Variants in ACP6 observed in about 807,000 individuals in gnomAD.
ACP6 encodes the protein lysophosphatidic acid phosphatase type 6.
In ACP6, 48 loss-of-function variants were observed where a neutral mutation model predicts 48.1. That is an observed-to-expected ratio of 1.00 (90% CI 0.79 to 1.27). The LOEUF (loss-of-function observed/expected upper bound fraction) is 1.27. Among genes scored for constraint, ACP6 ranks in the 50% most tolerant of loss-of-function variants. ACP6 has a pLI of 0.00. For synonymous variants in ACP6, 172 were observed against 204.2 expected, an observed-to-expected ratio of 0.84 and a Z score of 1.34; for missense variants, 485 against 529.1, an observed-to-expected ratio of 0.92 and a Z score of 0.82.
At chr1:147,630,717 G>A (rs183804131) in exon 6 of ACP6, 1 of 152,350 alleles carries the variant, frequency 6.6e-6, no homozygotes, top group Admixed American at 6.5e-5. Context: ...GCTAGAAACT[G>A]AGTCATTGTT....
Position 147,643,040 on chromosome 1 carries a change from C to T in ACP6, c.*4383G>A, listed in dbSNP as rs1553209010. On this transcript the variant is annotated 3_prime_UTR_variant, in exon 10 of 10. Coordinates refer to ENST00000583509, the MANE Select transcript of ACP6 (RefSeq NM_016361.5). ...AGTCATCTTCCCTCTGTGTCTGTGTCCTCATTTCCTCTTCTTATAAGGATT... is the reference window on the plus strand; with the variant it reads ...AGTCATCTTCCCTCTGTGTCTGTGTTCTCATTTCCTCTTCTTATAAGGATT... The T allele has an allele frequency of 6.6e-6, 1 of 152,170 alleles. No homozygotes were observed. Among genetic ancestry groups the T allele is most frequent in the Non-Finnish European group, 1.5e-5 (1 of 68,040 alleles). The allele number at this position is 152,170 out of a possible 1,614,324, so 9.4% of individuals were successfully genotyped here. A position where few individuals can be genotyped will look rare whatever the true frequency, so the allele number is the denominator to read the frequency against.
chr1:147,670,106 C>T lies in ACP6; in HGVS notation c.-58G>A. ...GCTGCAGGAGGCAAACACAAGTCTT[C>T]TGCGGGCGCCGGGGCTCAGCGGGCG... On this transcript the variant is annotated 5_prime_UTR_variant, in exon 1 of 10. Coordinates refer to ENST00000583509, the MANE Select transcript of ACP6 (RefSeq NM_016361.5). 1 of 1,420,884 alleles carries T rather than the reference C, an allele frequency of 7.0e-7. No individual in the cohort carries two copies. The highest frequency in any genetic ancestry group is 9.3e-7 in the Non-Finnish European group (1 of 1,080,670). The allele number at this position is 1,420,884 out of a possible 1,614,324, so 88.0% of individuals were successfully genotyped here. A position where few individuals can be genotyped will look rare whatever the true frequency, so the allele number is the denominator to read the frequency against.
In ACP6 at chr1:147,644,213, A is replaced by G. The variant is rs1483574036; in HGVS notation, c.*3210T>C. 2 of 152,238 alleles carry G rather than the reference A, an allele frequency of 1.3e-5. No homozygotes were observed. The highest frequency in any genetic ancestry group is 2.9e-5 in the Non-Finnish European group (2 of 68,042). 9.4% of individuals were successfully genotyped at this position (152,238 alleles called of 1,614,324 possible). Reference sequence around the variant, plus strand: ...GAGTAGATGAAGTGATGAATATGTTAATTAGCTTGATTTAATCATTCCCTC... The same window carrying G: ...GAGTAGATGAAGTGATGAATATGTTGATTAGCTTGATTTAATCATTCCCTC... On this transcript the variant is annotated 3_prime_UTR_variant, in exon 10 of 10. Transcript: ENST00000583509.
chr1:147,633,459 T>C (rs1659222075), intron 5 of ACP6, among the ~76,000 whole-genome samples: 1 of 152,068 alleles, frequency 6.6e-6, no homozygotes, highest in Admixed American at 6.6e-5. Context: ...ACAGTGAGAC[T>C]ATTACTTTCT....
intron 5 of ACP6, among the ~76,000 whole-genome samples, chr1:147,631,359 G>A (rs1439783098): frequency 1.3e-5 from 2 of 152,054 alleles, no homozygotes; most frequent in Non-Finnish European, 2.9e-5. Context: ...ATCCTTTCAT[G>A]CCAATTTCCA....
At chr1:147,660,377 C>T (rs1660487622) in intron 1 of ACP6, among the ~76,000 whole-genome samples, 1 of 152,326 alleles carries the variant, frequency 6.6e-6, no homozygotes, top group African/African-American at 2.4e-5. Flanking sequence ...CCACAGGTCT[C>T]ATAGCTCCAA....
chr1:147,631,665 T>C (rs1439271671), intron 5 of ACP6, among the ~76,000 whole-genome samples: 1 of 151,996 alleles, frequency 6.6e-6, no homozygotes, highest in Admixed American at 6.6e-5. Flanking sequence ...AATACAAAAA[T>C]TAGCGGGGCT....
downstream of ACP6, among the ~76,000 whole-genome samples, chr1:147,641,026 C>G (rs1659434188): frequency 6.6e-6 from 1 of 152,160 alleles, no homozygotes; most frequent in Non-Finnish European, 1.5e-5. Context: ...CCAGGACACG[C>G]TCTAGCCCAA....
chr1:147,669,607 C>G (rs1481745717), intron 1 of ACP6, among the ~76,000 whole-genome samples: 1 of 152,272 alleles, frequency 6.6e-6, no homozygotes, highest in Non-Finnish European at 1.5e-5. Context: ...CTGATGGCTG[C>G]GCCATCAGGG....
intron 8 of ACP6, among the ~76,000 whole-genome samples, chr1:147,649,398 C>T (rs1347167552): frequency 1.3e-5 from 2 of 151,976 alleles, no homozygotes; most frequent in African/African-American, 4.8e-5. Flanking sequence ...TAGTCCCAAC[C>T]TTGGATTCAA....
At chr1:147,641,870 G>A (rs1659462612), downstream of ACP6, among the ~76,000 whole-genome samples, 1 of 152,172 alleles carries the variant, frequency 6.6e-6, no homozygotes, top group African/African-American at 2.4e-5. Flanking sequence ...GGCGGAGGCG[G>A]GGCGCTGCCT....
At chr1:147,636,291 AC>A (rs1447104312) in intron 5 of ACP6, among the ~76,000 whole-genome samples, 14,121 of 152,232 alleles carry the variant, frequency 0.093, 1,935 homozygotes, top group African/African-American at 0.3. Context: ...CAACAGAAGT[AC>A]TACTAATTTA....
chr1:147,649,896 T>C, intron 8 of ACP6: 2 of 514,882 alleles, frequency 3.9e-6, no homozygotes, highest in Non-Finnish European at 3.4e-6. Context: ...CTGTTTGACA[T>C]ATCTTCAATT....
chr1:147,648,518 C>T, intron 8 of ACP6, 107 bp from the exon 9 acceptor site: 1 of 1,324,886 alleles, frequency 7.5e-7, no homozygotes, highest in Non-Finnish European at 1.0e-6. Flanking sequence ...AACTAGGTGA[C>T]ATCTAGAAAT....
chr1:147,655,126 C>T, intron 5 of ACP6, 35 bp downstream of exon 5: 1 of 1,536,160 alleles, frequency 6.5e-7, no homozygotes, highest in Non-Finnish European at 8.9e-7. Context: ...AAAAGGTTGT[C>T]CCCAACTGGT....
chr1:147,659,457 T>A lies in ACP6; in HGVS notation c.418A>T (p.Arg140Trp), dbSNP rs1553212292. 2 of 1,614,228 alleles carry A rather than the reference T, an allele frequency of 1.2e-6. No individual in the cohort carries two copies. Among genetic ancestry groups the A allele is most frequent in the Non-Finnish European group, 1.7e-6 (2 of 1,180,032 alleles). The change falls in exon 3 of 10, where the codon AGG (arginine) becomes TGG (tryptophan). Residue 140 changes from arginine to tryptophan, a missense_variant. Transcript: ENST00000583509. ...GGAATGTCTTCCACATAGTTCTTCC[T>A]CAGTCTCTCTCCCAAGGCAAACATT... Reference protein sequence around the residue: ...QQMFALGERLRKNYVEDIPFL... With the variant: ...QQMFALGERLWKNYVEDIPFL...
chr1:147,669,678 G>GA lies in ACP6; in HGVS notation c.219+151dup, dbSNP rs1297321739. 4.0e-5 allele frequency: 30 copies of GA among 752,510 alleles called. 1 individual carries two copies. In the Admixed American group the frequency reaches 8.1e-4, roughly 20 times the overall value. 46.6% of individuals were successfully genotyped at this position (752,510 alleles called of 1,614,324 possible). ...CAGGTCCTTTGCTCAAGAGCCTGGG[G>GA]AGTCACTGGCTACTGCTGTTTTCCC... On this transcript the variant is annotated intron_variant, in intron 1 of 9. Transcript: ENST00000583509.
chr1:147,639,010 C>T (rs140392229), downstream of ACP6, among the ~76,000 whole-genome samples: 7 of 152,278 alleles, frequency 4.6e-5, no homozygotes, highest in African/African-American at 1.7e-4. Context: ...GCACTTGCCA[C>T]CACGTAAAGC....
chr1:147,652,358 C>T (rs1659967598), intron 7 of ACP6, 91 bp downstream of exon 7: 2 of 1,290,250 alleles, frequency 1.6e-6, no homozygotes, highest in Non-Finnish European at 2.1e-6. Flanking sequence ...CATCAGCTGT[C>T]AGGTGTGAGT....
Sources: gnomAD v4.1 joint callset for allele counts (sites outside exome capture counted in the v4.1 genomes callset) on GRCh38, gnomAD v4.1.1 for gene constraint, MANE v1.5 for transcripts, NCBI Gene and HGNC (gene_info 2026-07-23, HGNC 2026-07-21) for gene names.